Variants in SH3TC2 observed in about 807,000 individuals in gnomAD.
SH3TC2 encodes the protein SH3 domain and tetratricopeptide repeat-containing protein 2.
Under a neutral mutation model 124.5 loss-of-function variants are expected in SH3TC2, and 87 were observed. That is an observed-to-expected ratio of 0.70 (90% confidence interval 0.59 to 0.84). The LOEUF (loss-of-function observed/expected upper bound fraction) is 0.84, where lower values mean the gene tolerates loss of function less well. Ranked by LOEUF, SH3TC2 falls within the 40% of genes least tolerant of loss-of-function variation. SH3TC2 has a pLI of 0.00. For missense variants in SH3TC2, 1,536 were observed against 1,566.4 expected, an observed-to-expected ratio of 0.98 and a Z score of 0.33; for synonymous variants, 634 against 628.5, an observed-to-expected ratio of 1.01 and a Z score of -0.13.
In SH3TC2 at chr5:149,016,657, G is replaced by A. The variant is rs1457829498; in HGVS notation, c.3054-3923C>T. Among the ~76,000 whole-genome samples the A allele has an allele frequency of 2.6e-5, 4 of 152,210 alleles. No individual in the cohort carries two copies. In the East Asian group the frequency reaches 5.8e-4, roughly 22 times the overall value. Reference sequence around the variant, plus strand: ...ATAAAAGCCAGACGGCTGGCGCGGTGGCTCATGCCTGTAATCCCAGCACTT... The same window carrying A: ...ATAAAAGCCAGACGGCTGGCGCGGTAGCTCATGCCTGTAATCCCAGCACTT... On this transcript the variant is annotated intron_variant, in intron 12 of 16. Coordinates refer to ENST00000515425, the MANE Select transcript of SH3TC2 (RefSeq NM_024577.4).
chr5:149,005,526 C>A (rs1753672411), intron 16 of SH3TC2, among the ~76,000 whole-genome samples: 2 of 152,168 alleles, frequency 1.3e-5, no homozygotes, highest in South Asian at 4.1e-4. Context: ...CCTTTACAAT[C>A]CGTGGAGTTC....
At position 149,012,707 on chromosome 5, in the gene SH3TC2, G is replaced by A; in HGVS notation, c.3081C>T (p.Ile1027=). 2 of 1,614,126 alleles carry A rather than the reference G, an allele frequency of 1.2e-6. No individual in the cohort carries two copies. Among genetic ancestry groups the A allele is most frequent in the Non-Finnish European group, 1.7e-6 (2 of 1,180,028 alleles). The change falls in exon 13 of 17, where the codon ATC becomes ATT. Residue 1027 remains isoleucine (I), a synonymous_variant. Transcript: ENST00000515425. The stretch of plus-strand genomic sequence containing the variant: ...CAATGAAGATACGCAGGCTCTCCTT[G>A]ATGCATGTGAGTGACCTCCTGAGGG... The part of the protein sequence containing the change: ...ARSLRRSLTC[I]KESLRIFIDL...
intron 8 of SH3TC2, among the ~76,000 whole-genome samples, chr5:149,037,329 T>C (rs944887970): frequency 6.6e-6 from 1 of 152,198 alleles, no homozygotes; most frequent in African/African-American, 2.4e-5. Flanking sequence ...TAGTTCTCCA[T>C]ACCTCTCCAG....
At chr5:149,005,554 A>T (rs1753672937) in intron 16 of SH3TC2, among the ~76,000 whole-genome samples, 1 of 152,160 alleles carries the variant, frequency 6.6e-6, no homozygotes, top group Non-Finnish European at 1.5e-5. Context: ...ACATGATCAG[A>T]TCACACACTT....
At chr5:149,014,689 A>T (rs553078689) in intron 12 of SH3TC2, among the ~76,000 whole-genome samples, 11 of 152,208 alleles carry the variant, frequency 7.2e-5, no homozygotes, top group Non-Finnish European at 1.2e-4. Context: ...TTCCTCTGAG[A>T]ATACAATGAG....
chr5:149,052,486 C>T (rs1468095137), intron 1 of SH3TC2, among the ~76,000 whole-genome samples: 1 of 152,184 alleles, frequency 6.6e-6, no homozygotes, highest in East Asian at 1.9e-4. Flanking sequence ...TCCCCATTCA[C>T]ATATCGAACT....
chr5:149,048,087 AC>A, intron 2 of SH3TC2, 98 bp from the exon 3 acceptor site: 1 of 1,522,288 alleles, frequency 6.6e-7, no homozygotes, highest in Non-Finnish European at 9.1e-7. Context: ...GTATACCTGA[AC>A]CCTCAACTGG....
At position 149,052,187 on chromosome 5, in the gene SH3TC2, A is replaced by G. The variant is rs1580917049; in HGVS notation, c.106T>C (p.Ser36Pro). ...AGAAAACATTTTTCCTTGTATTCAGATGAGGCTATACACTCACTCGATACA... is the reference window on the plus strand; with the variant it reads ...AGAAAACATTTTTCCTTGTATTCAGGTGAGGCTATACACTCACTCGATACA... The part of the protein sequence containing the change: ...PTVSSECIAS[S>P]EYKEKCFLPQ... Residue 36 changes from serine (S) to proline (P), a missense_variant, in exon 2 of 17, where the codon TCT (serine) becomes CCT (proline). By Grantham distance (74) the Ser-to-Pro change is moderately conservative. Around this residue, in one of 3 missense-constraint regions of SH3TC2, gnomAD observed 1,102 missense variants for 1,098.6 expected, o/e 1.00. Coordinates refer to ENST00000515425, the MANE Select transcript of SH3TC2 (RefSeq NM_024577.4). 6.2e-7 allele frequency: 1 copy of G among 1,613,832 alleles called. No homozygotes were observed. Among genetic ancestry groups the G allele is most frequent in the African/African-American group, 1.3e-5 (1 of 75,044 alleles).
At chr5:149,007,239 T>C (rs921783900) in intron 15 of SH3TC2, 162 bp from the exon 16 acceptor site, 2 of 701,526 alleles carry the variant, frequency 2.9e-6, no homozygotes, top group Non-Finnish European at 2.6e-6. Context: ...ATAAAGCTTA[T>C]TGTCTCACAT....
In SH3TC2 at chr5:149,026,932, G is replaced by A; in HGVS notation, c.2800C>T (p.His934Tyr). The change falls in exon 11 of 17, where the codon CAC (histidine) becomes TAC (tyrosine). Residue 934 changes from histidine (H) to tyrosine (Y), a missense_variant. Physicochemically the swap from His to Tyr is moderately conservative, Grantham distance 83. Transcript: ENST00000515425. ...CAAAGAAGGCCATGGGTCAGCTGGTGTCCAGACACCAGAACTTGGGCCAAC... is the reference window on the plus strand; with the variant it reads ...CAAAGAAGGCCATGGGTCAGCTGGTATCCAGACACCAGAACTTGGGCCAAC... Reference protein sequence around the residue: ...LWLAQVLVSGHQLTHGLLCYE... With the variant: ...LWLAQVLVSGYQLTHGLLCYE... 6.2e-7 allele frequency: 1 copy of A among 1,614,200 alleles called. No homozygotes were observed. The highest frequency in any genetic ancestry group is 1.1e-5 in the South Asian group (1 of 91,086).
rs1753636166 is a variant in SH3TC2 at position 149,003,848 on chromosome 5, T to TAA, written c.*862_*863insTT. On this transcript the variant is annotated 3_prime_UTR_variant, in exon 17 of 17. Coordinates refer to ENST00000515425, the MANE Select transcript of SH3TC2 (RefSeq NM_024577.4). ...CCTGGGCAACAGAGGAGAAACTGTC[T>TAA]CAAAAAAAAAAAAAAAAAAAAAAGA... The TAA allele has an allele frequency of 3.7e-5, 5 of 133,550 alleles. No individual in the cohort carries two copies. Among genetic ancestry groups the TAA allele is most frequent in the South Asian group, 1.7e-4 (3 of 17,254 alleles). The allele number at this position is 133,550 out of a possible 1,614,324, so 8.3% of individuals were successfully genotyped here.
In SH3TC2 at chr5:148,986,453, T is replaced by C. The variant is rs1452962787; in HGVS notation, c.*18258A>G. Among the ~76,000 whole-genome samples the C allele has an allele frequency of 1.3e-5, 2 of 152,202 alleles. No individual in the cohort carries two copies. The highest frequency in any genetic ancestry group is 2.9e-5 in the Non-Finnish European group (2 of 68,034). On this transcript the variant is annotated 3_prime_UTR_variant, in exon 17 of 17. Transcript: ENST00000515425. ...CAAGGTAACCCCACTCACTCCCTAT[T>C]ACATCTCCTTGTCTTACTTTTATCA...
At chr5:149,039,951 G>A (rs541539250) in intron 7 of SH3TC2, among the ~76,000 whole-genome samples, 1 of 152,278 alleles carries the variant, frequency 6.6e-6, no homozygotes, top group South Asian at 2.1e-4. Flanking sequence ...GAGTGTGTGG[G>A]AGGGAGGTGA....
chr5:148,999,729 C>G lies in SH3TC2; in HGVS notation c.*4982G>C, dbSNP rs1753565827. On this transcript the variant is annotated 3_prime_UTR_variant, in exon 17 of 17. Coordinates refer to ENST00000515425, the MANE Select transcript of SH3TC2 (RefSeq NM_024577.4). ...CGCCAAGTCCTAATGTGTTTTCTAC[C>G]TTCTCCACTGCTGCCCTAATCTAGT... Among the ~76,000 whole-genome samples the G allele has an allele frequency of 6.6e-6, 1 of 152,194 alleles. No individual in the cohort carries two copies. Among genetic ancestry groups the G allele is most frequent in the Admixed American group, 6.5e-5 (1 of 15,280 alleles).
At chr5:149,019,515 C>T (rs1414927305) in intron 12 of SH3TC2, among the ~76,000 whole-genome samples, 1 of 152,002 alleles carries the variant, frequency 6.6e-6, no homozygotes, top group Non-Finnish European at 1.5e-5. Context: ...CCCAATTGTA[C>T]AAATAGGAAT....
intron 15 of SH3TC2, 149 bp from the exon 16 acceptor site, chr5:149,007,226 C>T: frequency 1.4e-6 from 1 of 726,234 alleles, no homozygotes; most frequent in South Asian, 1.5e-5. Context: ...GGTGCCTGTA[C>T]TCATAAAGCT....
chr5:149,034,523 G>A (rs1234047582), intron 8 of SH3TC2: 2 of 401,792 alleles, frequency 5.0e-6, no homozygotes. Context: ...ACCAAGTCCT[G>A]AGCAAAATAA....
At position 149,044,517 on chromosome 5, in the gene SH3TC2, T is replaced by G; in HGVS notation, c.385+16A>C. On this transcript the variant is annotated intron_variant, in intron 4 of 16. Coordinates refer to ENST00000515425, the MANE Select transcript of SH3TC2 (RefSeq NM_024577.4). ...GTGGAGGAGGTCATCCTCCACCTGC[T>G]TGCCTTGTACCATACCTAAATTAAG... 6.2e-7 allele frequency: 1 copy of G among 1,605,068 alleles called. No homozygotes were observed. The highest frequency in any genetic ancestry group is 2.2e-5 in the East Asian group (1 of 44,802).
At chr5:149,042,522 T>A (rs1052075161) in intron 5 of SH3TC2, among the ~76,000 whole-genome samples, 172 bp downstream of exon 5, 2 of 152,224 alleles carry the variant, frequency 1.3e-5, no homozygotes, top group African/African-American at 4.8e-5. Context: ...GTTCGTGTAA[T>A]GTCAGTGTTG....
Sources: gnomAD v4.1 joint callset for allele counts (sites outside exome capture counted in the v4.1 genomes callset) on GRCh38, gnomAD v4.1.1 for gene constraint, gnomAD v4.1.1 regional missense constraint, MANE v1.5 for transcripts, NCBI Gene and HGNC (gene_info 2026-07-23, HGNC 2026-07-21) for gene names.